KIAA1217: variants seen among roughly 807,000 people sequenced by gnomAD.
KIAA1217 encodes the protein sickle tail protein homolog.
In KIAA1217, 88 loss-of-function variants were observed where a neutral mutation model predicts 163.9. The ratio of observed to expected loss-of-function variants is 0.54; its 90% CI spans 0.45 to 0.64. The LOEUF (loss-of-function observed/expected upper bound fraction) is 0.64, where lower values mean the gene tolerates loss of function less well. Among genes scored for constraint, KIAA1217 ranks in the 30% least tolerant of loss-of-function variants. KIAA1217 has a pLI of 0.00. For missense variants in KIAA1217, 2,372 were observed against 2,475.0 expected, an observed-to-expected ratio of 0.96 and a Z score of 0.88; for synonymous variants, 903 against 923.1, an observed-to-expected ratio of 0.98 and a Z score of 0.39.
At chr10:24,362,274 G>A (rs2050132164) in intron 2 of KIAA1217, among the ~76,000 whole-genome samples, 1 of 152,158 alleles carries the variant, frequency 6.6e-6, no homozygotes, top group South Asian at 2.1e-4. Flanking sequence ...TTAAAGAGCT[G>A]TTGTGGGACT....
chr10:24,494,744 T>A, intron 7 of KIAA1217, 140 bp downstream of exon 7: 3 of 692,788 alleles, frequency 4.3e-6, no homozygotes, highest in Non-Finnish European at 7.0e-6. Context: ...ATCATGGGCG[T>A]TATTTTTTTG....
chr10:23,970,009 C>T (rs954089305), intron 1 of KIAA1217, among the ~76,000 whole-genome samples: 2 of 152,168 alleles, frequency 1.3e-5, no homozygotes, highest in Non-Finnish European at 2.9e-5. Context: ...GATTTACTCA[C>T]TACCATGAGA....
intron 2 of KIAA1217, among the ~76,000 whole-genome samples, chr10:24,253,698 A>G (rs559660569): frequency 2.7e-5 from 4 of 147,102 alleles, no homozygotes; most frequent in African/African-American, 5.4e-5. Context: ...TGCCACTGCA[A>G]TCCAGCCTGG....
At chr10:23,894,052 T>TG (rs1841554815) in intron 1 of KIAA1217, among the ~76,000 whole-genome samples, 1 of 152,016 alleles carries the variant, frequency 6.6e-6, no homozygotes, top group Non-Finnish European at 1.5e-5. Flanking sequence ...GGGCAAAAGC[T>TG]GGAAGCATTC....
chr10:23,869,971 A>T (rs1412118164), intron 1 of KIAA1217, among the ~76,000 whole-genome samples: 1 of 152,182 alleles, frequency 6.6e-6, no homozygotes, highest in Non-Finnish European at 1.5e-5. Flanking sequence ...CTAACAACAC[A>T]AATTATGTTG....
At chr10:23,740,452 G>A (rs921016124) in intron 1 of KIAA1217, among the ~76,000 whole-genome samples, 8 of 152,130 alleles carry the variant, frequency 5.3e-5, no homozygotes, top group South Asian at 2.1e-4. Context: ...TCAAGCTCCC[G>A]GGCTTAAGCA....
intron 2 of KIAA1217, among the ~76,000 whole-genome samples, chr10:24,008,095 G>A (rs1847075966): frequency 1.3e-5 from 2 of 151,994 alleles, no homozygotes; most frequent in African/African-American, 4.8e-5. Flanking sequence ...TTTTCATACA[G>A]CCCTCAACAT....
At chr10:23,708,744 T>C (rs1435383048) in intron 1 of KIAA1217, among the ~76,000 whole-genome samples, 1 of 152,090 alleles carries the variant, frequency 6.6e-6, no homozygotes, top group Non-Finnish European at 1.5e-5. Flanking sequence ...CTAAGGATGG[T>C]ATGAGGCGTT....
intron 2 of KIAA1217, among the ~76,000 whole-genome samples, chr10:24,030,530 T>A (rs1332656143): frequency 1.3e-5 from 2 of 152,200 alleles, no homozygotes; most frequent in African/African-American, 2.4e-5. Flanking sequence ...CTTTCCTTTA[T>A]AAATTACTCA....
intron 11 of KIAA1217, 128 bp from the exon 12 acceptor site, chr10:24,521,647 ACTGCCAC>A (rs1195521438): frequency 6.7e-6 from 7 of 1,041,208 alleles, no homozygotes; most frequent in Middle Eastern, 2.2e-4. Flanking sequence ...CTCTTAACCC[ACTGCCAC>A]CTGAAGATGT....
intron 3 of KIAA1217, among the ~76,000 whole-genome samples, chr10:24,429,517 T>C (rs2059422653): frequency 6.6e-6 from 1 of 152,198 alleles, no homozygotes; most frequent in South Asian, 2.1e-4. Context: ...TCTCTTTTTT[T>C]CGGAGGGGAG....
intron 1 of KIAA1217, among the ~76,000 whole-genome samples, chr10:23,945,078 G>GT (rs1554828271): frequency 3.0e-4 from 45 of 148,820 alleles, no homozygotes; most frequent in Non-Finnish European, 5.6e-4. Context: ...AAAAAAAAGG[G>GT]TTTTAACATA....
chr10:24,246,760 G>A (rs1410355591), intron 2 of KIAA1217, among the ~76,000 whole-genome samples: 4 of 152,160 alleles, frequency 2.6e-5, no homozygotes, highest in Admixed American at 2.6e-4. Context: ...GGTCATGTCT[G>A]TAATCCCATC....
intron 1 of KIAA1217, among the ~76,000 whole-genome samples, chr10:23,857,666 A>T (rs926863538): frequency 6.6e-6 from 1 of 152,168 alleles, no homozygotes; most frequent in Non-Finnish European, 1.5e-5. Context: ...ATGCATAGCT[A>T]GTTAGGAAAC....
chr10:24,406,171 G>A (rs997775295), intron 3 of KIAA1217, among the ~76,000 whole-genome samples: 10 of 152,102 alleles, frequency 6.6e-5, no homozygotes, highest in African/African-American at 1.7e-4. Flanking sequence ...GAAGAATGAC[G>A]AGCAACAATT....
chr10:24,508,033 G>A (rs901215073), intron 9 of KIAA1217, among the ~76,000 whole-genome samples: 1 of 152,108 alleles, frequency 6.6e-6, no homozygotes, highest in African/African-American at 2.4e-5. Flanking sequence ...TATGAAGCCT[G>A]CATTACCCTA....
At chr10:24,166,038 CAA>C (rs1589742746) in intron 2 of KIAA1217, among the ~76,000 whole-genome samples, 1 of 152,066 alleles carries the variant, frequency 6.6e-6, no homozygotes, top group Non-Finnish European at 1.5e-5. Context: ...TTTTAAGAGT[CAA>C]GAGAGAAAAG....
At chr10:24,346,084 C>A (rs2047723151) in intron 2 of KIAA1217, among the ~76,000 whole-genome samples, 1 of 152,140 alleles carries the variant, frequency 6.6e-6, no homozygotes, top group Non-Finnish European at 1.5e-5. Context: ...TTGGGTTTTT[C>A]TATGTGACTG....
chr10:24,409,943 A>T (rs1358296496), intron 3 of KIAA1217, among the ~76,000 whole-genome samples: 1 of 149,706 alleles, frequency 6.7e-6, no homozygotes, highest in African/African-American at 2.5e-5. Flanking sequence ...TTTATGTGAT[A>T]TTCCATCATA....
Sources: gnomAD v4.1 joint callset for allele counts (sites outside exome capture counted in the v4.1 genomes callset) on GRCh38, gnomAD v4.1.1 for gene constraint, MANE v1.5 for transcripts, NCBI Gene and HGNC (gene_info 2026-07-23, HGNC 2026-07-21) for gene names.